Variants in PIGF observed in about 807,000 individuals in gnomAD.
The protein encoded by PIGF is phosphatidylinositol glycan anchor biosynthesis class F.
In PIGF, 23 loss-of-function variants were observed where a neutral mutation model predicts 26.0. The ratio of observed to expected loss-of-function variants is 0.88; its 90% CI spans 0.64 to 1.25. The LOEUF (loss-of-function observed/expected upper bound fraction) is 1.25. Among genes scored for constraint, PIGF ranks in the 50% most tolerant of loss-of-function variants. PIGF has a pLI of 0.00. For missense variants in PIGF, 278 were observed against 249.9 expected (o/e 1.11, Z -0.76); for synonymous variants, 93 against 92.6 (o/e 1.00, Z -0.03).
At chr2:46,591,629 ATCAATAGTGAATT>A in intron 5 of PIGF, 3 of 935,590 alleles carry the variant, frequency 3.2e-6, no homozygotes, top group Non-Finnish European at 3.8e-6. Flanking sequence ...AATCTAAATG[ATCAATAGTGAATT>A]TGTTAAATAA....
At position 46,592,571 on chromosome 2, in the gene PIGF, T is replaced by C. The variant is rs1669754336; in HGVS notation, c.450A>G (p.Ile150Met). Reference sequence around the variant, plus strand: ...TAGTGATCTGGAGACTATTCTCCCATATGGATGTAACTCTGTGAAACACAA... The same window carrying C: ...TAGTGATCTGGAGACTATTCTCCCACATGGATGTAACTCTGTGAAACACAA... ...RVFSRNGVTS[I>M]WENSLQITTI... is the part of the protein sequence containing the mutation. The change falls in exon 5 of 6, where the codon ATA becomes ATG. Residue 150 changes from isoleucine (I) to methionine (M), a missense_variant. Coordinates refer to ENST00000281382, the MANE Select transcript of PIGF (RefSeq NM_002643.4). 1.3e-6 allele frequency: 2 copies of C among 1,581,032 alleles called. No individual in the cohort carries two copies. Among genetic ancestry groups the C allele is most frequent in the Non-Finnish European group, 1.7e-6 (2 of 1,149,696 alleles).
At chr2:46,590,031 C>CGT (rs568090872) in intron 5 of PIGF, among the ~76,000 whole-genome samples, 1 of 152,016 alleles carries the variant, frequency 6.6e-6, no homozygotes, top group Non-Finnish European at 1.5e-5. Context: ...ACAGTGAATA[C>CGT]GTGGGTCATT....
intron 5 of PIGF, among the ~76,000 whole-genome samples, chr2:46,590,859 G>A (rs1669703248): frequency 6.6e-6 from 1 of 152,142 alleles, no homozygotes; most frequent in African/African-American, 2.4e-5. Context: ...GTTAAAACAG[G>A]GAAGGGCAAA....
At chr2:46,593,896 T>G (rs1364044252) in intron 4 of PIGF, among the ~76,000 whole-genome samples, 1 of 152,232 alleles carries the variant, frequency 6.6e-6, no homozygotes, top group Admixed American at 6.5e-5. Flanking sequence ...ACAAGTCAGT[T>G]CACAAACCAA....
intron 5 of PIGF, chr2:46,591,706 AC>A: frequency 1.8e-6 from 2 of 1,097,246 alleles, no homozygotes; most frequent in Middle Eastern, 4.2e-4. Flanking sequence ...AGATAAAGAT[AC>A]AGTCATCACT....
intron 5 of PIGF, among the ~76,000 whole-genome samples, chr2:46,590,714 A>G (rs923269597): frequency 4.6e-5 from 7 of 152,220 alleles, no homozygotes; most frequent in Non-Finnish European, 7.4e-5. Context: ...CACTCTGTTG[A>G]ATGACATCAA....
Position 46,581,218 on chromosome 2 carries a change from T to G in PIGF, c.*260A>C. The G allele has an allele frequency of 1.0e-6, 1 of 977,004 alleles. No homozygotes were observed. Among genetic ancestry groups the G allele is most frequent in the African/African-American group, 1.6e-5 (1 of 60,668 alleles). The allele number at this position is 977,004 out of a possible 1,614,324, so 60.5% of individuals were successfully genotyped here. ...AGAAAACAAAACCTGTCCTCAGAAT[T>G]CTATAAAGTGTATTAAGAATGTTCC... On this transcript the variant is annotated 3_prime_UTR_variant, in exon 6 of 6. Transcript: ENST00000281382.
chr2:46,596,717 CCTT>C (rs1183904749), intron 4 of PIGF, among the ~76,000 whole-genome samples: 2 of 151,968 alleles, frequency 1.3e-5, no homozygotes, highest in Non-Finnish European at 2.9e-5. Context: ...TTACTTTCTG[CCTT>C]CTTCTAAGGG....
chr2:46,581,737 C>T (rs1558696530), intron 5 of PIGF, 146 bp from the exon 6 acceptor site: 10 of 1,137,884 alleles, frequency 8.8e-6, no homozygotes, highest in Non-Finnish European at 1.2e-5. Flanking sequence ...CTGCATTTAT[C>T]ATGAACACTA....
chr2:46,594,830 G>A (rs1006503281), intron 4 of PIGF, among the ~76,000 whole-genome samples: 11 of 142,302 alleles, frequency 7.7e-5, no homozygotes, highest in African/African-American at 2.6e-4. Context: ...CACTGCGCCC[G>A]GCCCTCACCG....
intron 4 of PIGF, among the ~76,000 whole-genome samples, chr2:46,599,028 A>G (rs995480555): frequency 6.6e-6 from 1 of 152,148 alleles, no homozygotes; most frequent in Non-Finnish European, 1.5e-5. Flanking sequence ...TTCTGCCTAG[A>G]TGGTATAAGC....
chr2:46,592,996 C>T (rs1669769084), intron 4 of PIGF, among the ~76,000 whole-genome samples: 1 of 152,142 alleles, frequency 6.6e-6, no homozygotes, highest in East Asian at 1.9e-4. Flanking sequence ...CATAAATACA[C>T]ATGTACATAT....
intron 4 of PIGF, among the ~76,000 whole-genome samples, chr2:46,611,503 C>T (rs1670417734): frequency 1.3e-5 from 2 of 151,842 alleles, no homozygotes; most frequent in African/African-American, 4.8e-5. Flanking sequence ...AAAAAGATTC[C>T]TCCTAATACT....
intron 4 of PIGF, among the ~76,000 whole-genome samples, chr2:46,607,317 C>G (rs1194095219): frequency 6.6e-6 from 1 of 152,130 alleles, no homozygotes; most frequent in Non-Finnish European, 1.5e-5. Flanking sequence ...CAGAAGCAAA[C>G]CTTTACCAAG....
intron 3 of PIGF, 111 bp downstream of exon 3, chr2:46,613,582 TG>T (rs1037295480): frequency 1.4e-6 from 1 of 693,568 alleles, no homozygotes; most frequent in Admixed American, 3.6e-5. Context: ...TGTCCTTACT[TG>T]ATCTATTAAT....
intron 4 of PIGF, among the ~76,000 whole-genome samples, chr2:46,606,721 T>C (rs1374926118): frequency 4.6e-5 from 7 of 152,188 alleles, no homozygotes; most frequent in Admixed American, 6.5e-5. Flanking sequence ...AACACTACCA[T>C]GTGACCCAGC....
At chr2:46,585,730 TGTGGTAGGAA>T (rs1202646069) in intron 5 of PIGF, among the ~76,000 whole-genome samples, 3 of 152,236 alleles carry the variant, frequency 2.0e-5, no homozygotes, top group Admixed American at 2.0e-4. Flanking sequence ...TAATATACTG[TGTGGTAGGAA>T]GTGGTAGGAA....
chr2:46,616,845 G>C (rs1353292921), intron 1 of PIGF, 125 bp downstream of exon 1: 1 of 291,906 alleles, frequency 3.4e-6, no homozygotes, highest in East Asian at 1.1e-4. Flanking sequence ...CGCCGGAAGA[G>C]TGGCGCTGAG....
Position 46,588,027 on chromosome 2 carries a change from C to G in PIGF, c.546+4448G>C. The G allele has an allele frequency of 6.8e-7, 1 of 1,466,700 alleles. No individual in the cohort carries two copies. Among genetic ancestry groups the G allele is most frequent in the Non-Finnish European group, 9.1e-7 (1 of 1,102,854 alleles). 90.9% of individuals were successfully genotyped at this position (1,466,700 alleles called of 1,614,324 possible). A position where few individuals can be genotyped will look rare whatever the true frequency, so the allele number is the denominator to read the frequency against. On this transcript the variant is annotated intron_variant, in intron 5 of 5. Coordinates refer to ENST00000281382, the MANE Select transcript of PIGF (RefSeq NM_002643.4). The surrounding 1 kb of genome is among the most constrained non-coding windows in gnomAD (Gnocchi z 4.1). ...TGCTAAGCAAGATGTGTACTCCTCC[C>G]CTCTCACACTTGGACTTTCTAGTGT...
Sources: gnomAD v4.1 joint callset for allele counts (sites outside exome capture counted in the v4.1 genomes callset) on GRCh38, gnomAD v4.1.1 for gene constraint, Gnocchi (gnomAD v3.1) non-coding constraint, MANE v1.5 for transcripts, NCBI Gene and HGNC (gene_info 2026-07-23, HGNC 2026-07-21) for gene names.